The following BIRC6 variants were observed in gnomAD, a reference collection of about 807,000 sequenced individuals.
BIRC6 encodes the protein baculoviral IAP repeat containing 6.
BIRC6 carries 98 observed loss-of-function variants against 503.3 expected under a neutral mutation model. The ratio of observed to expected loss-of-function variants is 0.19; its 90% CI spans 0.17 to 0.23. The LOEUF (loss-of-function observed/expected upper bound fraction) is 0.23. Among genes scored for constraint, BIRC6 ranks in the 10% least tolerant of loss-of-function variants. The pLI is 1.00. For missense variants in BIRC6, 5,360 were observed against 5,806.0 expected, an observed-to-expected ratio of 0.92 and a Z score of 2.50; for synonymous variants, 2,240 against 2,078.7, an observed-to-expected ratio of 1.08 and a Z score of -2.11.
chr2:32,487,089 T>C (rs2051084427), intron 40 of BIRC6, among the ~76,000 whole-genome samples: 1 of 152,152 alleles, frequency 6.6e-6, no homozygotes, highest in African/African-American at 2.4e-5. Context: ...TGCACACAGC[T>C]GTCTCTCTTT....
chr2:32,588,974 A>C (rs888279067), intron 66 of BIRC6, among the ~76,000 whole-genome samples: 3 of 152,182 alleles, frequency 2.0e-5, no homozygotes, highest in African/African-American at 7.2e-5. Context: ...AAATATAGCC[A>C]TAGTAGTTTT....
intron 49 of BIRC6, 107 bp downstream of exon 49, chr2:32,503,343 T>G: frequency 1.1e-6 from 1 of 895,446 alleles, no homozygotes; most frequent in Non-Finnish European, 1.7e-6. Context: ...TATCACTATT[T>G]TAATTACAAA....
chr2:32,514,993 A>G lies in BIRC6; in HGVS notation c.10572A>G (p.Leu3524=). 1.3e-6 allele frequency: 2 copies of G among 1,598,928 alleles called. No homozygotes were observed. The highest frequency in any genetic ancestry group is 8.5e-7 in the Non-Finnish European group (1 of 1,171,002). ...TATGATATCTTTTATTTTTTAGGTT[A>G]CTTTTTAATTGGTCCATGTCTCTTC... ...PALLDQELFE[L]LFNWSMSLPC... Residue 3524 remains leucine (L), a synonymous_variant, in exon 55 of 74, where the codon TTA becomes TTG. Coordinates refer to ENST00000421745, the MANE Select transcript of BIRC6 (RefSeq NM_016252.4).
intron 54 of BIRC6, among the ~76,000 whole-genome samples, chr2:32,513,654 T>C (rs1238521921): frequency 6.6e-6 from 1 of 152,166 alleles, no homozygotes; most frequent in Admixed American, 6.5e-5. Flanking sequence ...CTCATGCCTG[T>C]AATCCCAGCA....
At chr2:32,500,669 G>C (rs1400403227) in intron 46 of BIRC6, among the ~76,000 whole-genome samples, 2 of 136,704 alleles carry the variant, frequency 1.5e-5, no homozygotes, top group Non-Finnish European at 3.1e-5. Flanking sequence ...GCAATGGTGT[G>C]ATCTCGGTTC....
chr2:32,413,539 G>A (rs945515661), intron 9 of BIRC6, among the ~76,000 whole-genome samples: 3 of 151,652 alleles, frequency 2.0e-5, no homozygotes, highest in Admixed American at 1.3e-4. Context: ...GGCTGGTCTC[G>A]AACTCCTGAG....
chr2:32,611,833 GAAGA>G (rs2151738531), intron 73 of BIRC6, among the ~76,000 whole-genome samples: 1 of 152,244 alleles, frequency 6.6e-6, no homozygotes, highest in Admixed American at 6.5e-5. Context: ...AAAGTTCCTT[GAAGA>G]TAATGATGAC....
chr2:32,425,061 C>T (rs577493645), intron 10 of BIRC6, among the ~76,000 whole-genome samples: 70 of 150,146 alleles, frequency 4.7e-4, no homozygotes, highest in African/African-American at 1.7e-3. Flanking sequence ...CTATAATAGA[C>T]GTAGAAATAT....
chr2:32,390,314 G>T (rs1477536981), intron 4 of BIRC6, among the ~76,000 whole-genome samples: 1 of 152,092 alleles, frequency 6.6e-6, no homozygotes, highest in Non-Finnish European at 1.5e-5. Context: ...GTGACTACAG[G>T]TGCCCGCCAC....
chr2:32,603,493 T>C (rs2062202887), intron 71 of BIRC6, among the ~76,000 whole-genome samples: 1 of 152,058 alleles, frequency 6.6e-6, no homozygotes, highest in Non-Finnish European at 1.5e-5. Flanking sequence ...GATGGGTGGA[T>C]CATTTGAGGT....
chr2:32,397,098 T>A (rs1189184391), intron 6 of BIRC6, among the ~76,000 whole-genome samples: 1 of 152,198 alleles, frequency 6.6e-6, no homozygotes, highest in Non-Finnish European at 1.5e-5. Context: ...TCTGTGTTTC[T>A]CTCTCTCCAA....
intron 24 of BIRC6, 76 bp from the exon 25 acceptor site, chr2:32,464,433 T>A: frequency 7.1e-7 from 1 of 1,409,226 alleles, no homozygotes. Context: ...CTTCATAATA[T>A]ATGTCCATGT....
intron 16 of BIRC6, among the ~76,000 whole-genome samples, chr2:32,440,206 T>C (rs2045256711): frequency 1.3e-5 from 2 of 152,214 alleles, no homozygotes; most frequent in African/African-American, 4.8e-5. Context: ...ATTACCTAGC[T>C]TTTGTAATGT....
At chr2:32,394,868 G>C (rs767834130) in intron 5 of BIRC6, among the ~76,000 whole-genome samples, 14 of 152,030 alleles carry the variant, frequency 9.2e-5, no homozygotes, top group Admixed American at 3.3e-4. Context: ...AAAACAACAA[G>C]AGGCTGGGTG....
chr2:32,429,113 T>A, intron 10 of BIRC6, 33 bp from the exon 11 acceptor site: 1 of 1,537,694 alleles, frequency 6.5e-7, no homozygotes, highest in Non-Finnish European at 8.8e-7. Flanking sequence ...TTTACCTATT[T>A]TTCATGTATC....
At chr2:32,455,648 A>T (rs1574335441) in intron 23 of BIRC6, among the ~76,000 whole-genome samples, 1 of 152,154 alleles carries the variant, frequency 6.6e-6, no homozygotes, top group African/African-American at 2.4e-5. Flanking sequence ...GAAATTAAGT[A>T]TCCTGGATTT....
chr2:32,455,203 C>G (rs947541706), intron 23 of BIRC6, among the ~76,000 whole-genome samples: 7 of 151,668 alleles, frequency 4.6e-5, no homozygotes, highest in Non-Finnish European at 1.0e-4. Context: ...ACAGTGAAAC[C>G]CCGTCTCTAC....
At chr2:32,389,520 C>T (rs888934183) in intron 4 of BIRC6, among the ~76,000 whole-genome samples, 12 of 151,900 alleles carry the variant, frequency 7.9e-5, no homozygotes, top group African/African-American at 2.7e-4. Flanking sequence ...TTTTTGAATG[C>T]CTATTTTGTT....
At chr2:32,584,534 A>AAAAT (rs901965013) in intron 66 of BIRC6, among the ~76,000 whole-genome samples, 10 of 152,316 alleles carry the variant, frequency 6.6e-5, no homozygotes, top group Admixed American at 1.3e-4. Context: ...CTCCGTCTCA[A>AAAAT]AAATAAATAA....
Sources: allele counts gnomAD v4.1 joint callset (sites outside exome capture counted in the v4.1 genomes callset), GRCh38; gene constraint gnomAD v4.1.1; transcripts MANE v1.5; gene names NCBI Gene and HGNC (gene_info 2026-07-23, HGNC 2026-07-21).